SCEL: variants seen among roughly 807,000 people sequenced by gnomAD.
SCEL encodes sciellin.
Under a neutral mutation model 117.6 loss-of-function variants are expected in SCEL, and 113 were observed. The observed-to-expected ratio is 0.96, with a 90% confidence interval of 0.83 to 1.12. The LOEUF (loss-of-function observed/expected upper bound fraction) is 1.12. Among genes scored for constraint, SCEL ranks in the 50% most tolerant of loss-of-function variants. The probability of loss-of-function intolerance (pLI) is 0.00; values close to 1 mark genes in which losing one functional copy is unlikely to be tolerated. For synonymous variants in SCEL, 270 were observed against 256.2 expected (o/e 1.05, Z -0.51); for missense variants, 785 against 810.8 (o/e 0.97, Z 0.39).
chr13:77,610,644 G>T (rs549763724), intron 22 of SCEL, among the ~76,000 whole-genome samples: 2 of 152,126 alleles, frequency 1.3e-5, no homozygotes, highest in East Asian at 1.9e-4. Context: ...TCCATGCTGA[G>T]GATTTCCTTA....
intron 24 of SCEL, among the ~76,000 whole-genome samples, chr13:77,616,315 G>A (rs2154403700): frequency 6.6e-6 from 1 of 151,842 alleles, no homozygotes. Context: ...TGAGCATACT[G>A]TCCACTCTAC....
chr13:77,556,052 G>A, intron 2 of SCEL, 134 bp downstream of exon 2: 1 of 556,288 alleles, frequency 1.8e-6, no homozygotes, highest in Non-Finnish European at 3.1e-6. Flanking sequence ...TGCAAAGTTA[G>A]GCTTAAGAAA....
chr13:77,617,612 G>C lies in SCEL; in HGVS notation c.1465G>C (p.Asp489His). 6.3e-7 allele frequency: 1 copy of C among 1,592,854 alleles called. No individual in the cohort carries two copies. The highest frequency in any genetic ancestry group is 8.6e-7 in the Non-Finnish European group (1 of 1,167,052). ...VKNTDGKQDL[D>H]KLIKVNPEIF... is the part of the protein sequence containing the mutation. ...TTCCACTTAAAGAAAACAAGATCTT[G>C]ATAAACTCATCAAGGTGAATCCTGA... is the stretch of plus-strand genomic sequence containing the variant. Residue 489 changes from aspartate (D) to histidine (H), a missense_variant, in exon 25 of 33, where the codon GAT becomes CAT. Physicochemically the swap from Asp to His is moderately conservative, Grantham distance 81. Coordinates refer to ENST00000349847, the MANE Select transcript of SCEL (RefSeq NM_144777.3).
At chr13:77,632,084 GC>G (rs1195704222) in intron 28 of SCEL, among the ~76,000 whole-genome samples, 2 of 152,184 alleles carry the variant, frequency 1.3e-5, no homozygotes, top group Non-Finnish European at 2.9e-5. Context: ...TGGCATTAAG[GC>G]CCCACCCCCA....
chr13:77,642,823 C>CT lies in SCEL; in HGVS notation c.2050+16dup. The CT allele has an allele frequency of 7.1e-7, 1 of 1,414,022 alleles. No homozygotes were observed. Among genetic ancestry groups the CT allele is most frequent in the Middle Eastern group, 1.8e-4 (1 of 5,560 alleles). The allele number at this position is 1,414,022 out of a possible 1,614,324, so 87.6% of individuals were successfully genotyped here. ...TAAAATTATGGGTAAGTGTTACACT[C>CT]TAAGCATTTAACACTTTGGTTAACC... On this transcript the variant is annotated intron_variant, in intron 32 of 32. Transcript: ENST00000349847.
intron 5 of SCEL, among the ~76,000 whole-genome samples, chr13:77,564,564 C>CT (rs2154396826): frequency 6.6e-6 from 1 of 152,182 alleles, no homozygotes; most frequent in Non-Finnish European, 1.5e-5. Flanking sequence ...GGTAGAGGCG[C>CT]TTAGTAAGCA....
intron 7 of SCEL, 125 bp downstream of exon 7, chr13:77,568,458 G>A: frequency 1.7e-6 from 1 of 586,970 alleles, no homozygotes; most frequent in Non-Finnish European, 2.9e-6. Context: ...GAGTTGAGTA[G>A]TAGAAGACAA....
intron 9 of SCEL, among the ~76,000 whole-genome samples, chr13:77,588,140 G>A (rs2086665535): frequency 6.6e-6 from 1 of 152,052 alleles, no homozygotes; most frequent in Admixed American, 6.6e-5. Flanking sequence ...AAGCCTTTGA[G>A]AACAAGGACA....
In SCEL at chr13:77,604,482, T is replaced by C. The variant is rs146641126; in HGVS notation, c.1157+67T>C. Reference sequence around the variant, plus strand: ...TAGAAGGACGTTAGAATTCTGAGTGTTGGTATTCAGGACAGTAAATTGGAA... The same window carrying C: ...TAGAAGGACGTTAGAATTCTGAGTGCTGGTATTCAGGACAGTAAATTGGAA... On this transcript the variant is annotated intron_variant, in intron 19 of 32. Coordinates refer to ENST00000349847, the MANE Select transcript of SCEL (RefSeq NM_144777.3). 1.8e-4 allele frequency: 242 copies of C among 1,313,688 alleles called. 3 individuals carry two copies. The East Asian group carries it at 6.2e-3, about 34-fold the overall frequency. The allele number at this position is 1,313,688 out of a possible 1,614,324, so 81.4% of individuals were successfully genotyped here.
At chr13:77,616,504 A>G (rs529411849) in intron 24 of SCEL, among the ~76,000 whole-genome samples, 13 of 152,154 alleles carry the variant, frequency 8.5e-5, no homozygotes, top group African/African-American at 3.1e-4. Context: ...ATAGATATCA[A>G]TTTATTATGT....
At chr13:77,588,435 T>C (rs995801870) in intron 9 of SCEL, among the ~76,000 whole-genome samples, 1 of 152,040 alleles carries the variant, frequency 6.6e-6, no homozygotes. Flanking sequence ...TGAGGACAAA[T>C]AGAGAACTGC....
intron 29 of SCEL, among the ~76,000 whole-genome samples, 167 bp downstream of exon 29, chr13:77,634,617 T>G (rs1358376644): frequency 6.6e-6 from 1 of 152,226 alleles, no homozygotes; most frequent in East Asian, 1.9e-4. Context: ...TTTCTGATAT[T>G]ATGTACTTGG....
chr13:77,551,236 G>A (rs2154395125), intron 1 of SCEL, among the ~76,000 whole-genome samples: 1 of 152,266 alleles, frequency 6.6e-6, no homozygotes, highest in African/African-American at 2.4e-5. Flanking sequence ...AAAAATGAGA[G>A]ACAATGCCTG....
chr13:77,540,052 A>C (rs959019757), intron 1 of SCEL, among the ~76,000 whole-genome samples: 1 of 152,224 alleles, frequency 6.6e-6, no homozygotes, highest in East Asian at 1.9e-4. Context: ...CACATTTAAG[A>C]ATATGTAAGA....
At chr13:77,628,759 C>T (rs2089892764) in intron 28 of SCEL, among the ~76,000 whole-genome samples, 1 of 152,118 alleles carries the variant, frequency 6.6e-6, no homozygotes, top group Non-Finnish European at 1.5e-5. Context: ...AATGGAAAAG[C>T]TAGGAAAAGA....
chr13:77,597,681 C>T, intron 13 of SCEL, 92 bp downstream of exon 13: 2 of 591,538 alleles, frequency 3.4e-6, no homozygotes, highest in South Asian at 4.7e-5. Flanking sequence ...ACCCACATAC[C>T]AGGGTAGTCA....
In SCEL at chr13:77,610,060, G is replaced by T; in HGVS notation, c.1291G>T (p.Asp431Tyr). The T allele has an allele frequency of 6.2e-7, 1 of 1,609,098 alleles. No individual in the cohort carries two copies. The highest frequency in any genetic ancestry group is 1.1e-5 in the South Asian group (1 of 90,330). ...TATGTTTTTAAGGGGCCAAAGTCTCGACAGCCTCATTAAAGTGACTCCTGA... is the reference window on the plus strand; with the variant it reads ...TATGTTTTTAAGGGGCCAAAGTCTCTACAGCCTCATTAAAGTGACTCCTGA... The part of the protein sequence containing the change: ...EKSTEGGQSL[D>Y]SLIKVTPERN... The change falls in exon 22 of 33, where the codon GAC becomes TAC. Residue 431 changes from aspartate (D) to tyrosine (Y), a missense_variant. Coordinates refer to ENST00000349847, the MANE Select transcript of SCEL (RefSeq NM_144777.3).
chr13:77,636,962 T>C (rs574607476), intron 29 of SCEL, among the ~76,000 whole-genome samples, 158 bp from the exon 30 acceptor site: 100 of 152,246 alleles, frequency 6.6e-4, no homozygotes, highest in African/African-American at 2.3e-3. Flanking sequence ...TGTATCAATA[T>C]TTCTACAGAT....
At position 77,591,409 on chromosome 13, in the gene SCEL, C is replaced by G. The variant is rs765373504; in HGVS notation, c.641C>G (p.Pro214Arg). ...TGAAAATATAGGCAGATACATCCAC[C>G]TAAACCAGGTGTATATACAGAAACC... is the stretch of plus-strand genomic sequence containing the variant. ...LRQDNRQIHP[P>R]KPGVYTETNR... Residue 214 changes from proline (P) to arginine (R), a missense_variant, in exon 11 of 33, where the codon CCT becomes CGT. Transcript: ENST00000349847. 5 of 1,585,272 alleles carry G rather than the reference C, an allele frequency of 3.2e-6. No homozygotes were observed. In the African/African-American group the frequency reaches 5.4e-5, roughly 17 times the overall value.
Sources: gnomAD v4.1 joint callset for allele counts (sites outside exome capture counted in the v4.1 genomes callset) on GRCh38, gnomAD v4.1.1 for gene constraint, MANE v1.5 for transcripts, NCBI Gene and HGNC (gene_info 2026-07-23, HGNC 2026-07-21) for gene names.